The following WDR33 variants were observed in gnomAD, a reference collection of about 807,000 sequenced individuals.
WDR33 encodes the protein pre-mRNA 3' end processing protein WDR33.
WDR33 carries 47 observed loss-of-function variants against 164.9 expected under a neutral mutation model. The ratio of observed to expected loss-of-function variants is 0.29; its 90% CI spans 0.23 to 0.36. WDR33 has a LOEUF of 0.36. Ranked by LOEUF, WDR33 falls within the 10% of genes least tolerant of loss-of-function variation. The pLI, the probability that WDR33 is intolerant of heterozygous loss-of-function variation, is 1.00. For missense variants in WDR33, 1,137 were observed against 1,754.1 expected (o/e 0.65, Z 6.28); for synonymous variants, 505 against 589.0 (o/e 0.86, Z 2.06).
chr2:127,707,228 T>TA (rs1304395900), intron 21 of WDR33, among the ~76,000 whole-genome samples: 99 of 119,920 alleles, frequency 8.3e-4, no homozygotes, highest in Middle Eastern at 4.3e-3. Context: ...GAGAATATAT[T>TA]TAAAAAAAAA....
At chr2:127,786,394 A>G (rs1456101254) in intron 1 of WDR33, among the ~76,000 whole-genome samples, 6 of 152,258 alleles carry the variant, frequency 3.9e-5, no homozygotes, top group African/African-American at 9.6e-5. Flanking sequence ...TAGAAATACA[A>G]TATTTTGGCA....
At chr2:127,767,435 C>T (rs991725257) in intron 4 of WDR33, among the ~76,000 whole-genome samples, 3 of 151,972 alleles carry the variant, frequency 2.0e-5, no homozygotes, top group Non-Finnish European at 4.4e-5. Context: ...AGTTTAAGGC[C>T]GGGCACGGTG....
chr2:127,772,353 C>G (rs1292327729), intron 1 of WDR33, among the ~76,000 whole-genome samples: 3 of 151,872 alleles, frequency 2.0e-5, no homozygotes, highest in Non-Finnish European at 4.4e-5. Flanking sequence ...GCAGGAGAAT[C>G]GTTTGAACCC....
At chr2:127,731,313 A>AC (rs1558927936) in intron 7 of WDR33, among the ~76,000 whole-genome samples, 1 of 151,628 alleles carries the variant, frequency 6.6e-6, no homozygotes, top group African/African-American at 2.4e-5. Flanking sequence ...AAAAAAAAAA[A>AC]AAAAACACAG....
chr2:127,782,129 G>C (rs563559079), intron 1 of WDR33, among the ~76,000 whole-genome samples: 1 of 151,884 alleles, frequency 6.6e-6, no homozygotes, highest in Non-Finnish European at 1.5e-5. Flanking sequence ...ATTTTCAGCC[G>C]GGCGCAGTGG....
At chr2:127,780,331 T>A (rs995491856) in intron 1 of WDR33, among the ~76,000 whole-genome samples, 1 of 152,186 alleles carries the variant, frequency 6.6e-6, no homozygotes, top group African/African-American at 2.4e-5. Flanking sequence ...TTTAGATTAT[T>A]TATGTATAGT....
At chr2:127,788,205 C>CCCA (rs1197326641) in intron 1 of WDR33, among the ~76,000 whole-genome samples, 1 of 129,034 alleles carries the variant, frequency 7.7e-6, no homozygotes, top group Non-Finnish European at 1.7e-5. Flanking sequence ...GGCTGACCCC[C>CCCA]CCACCTCCCT....
intron 1 of WDR33, among the ~76,000 whole-genome samples, chr2:127,781,859 G>A (rs549033864): frequency 1.3e-5 from 2 of 152,078 alleles, no homozygotes; most frequent in South Asian, 2.1e-4. Flanking sequence ...TTAACCAGGC[G>A]TGGTGGCACA....
In WDR33 at chr2:127,764,186, A is replaced by G; in HGVS notation, c.626+642T>C. 2 of 1,035,340 alleles carry G rather than the reference A, an allele frequency of 1.9e-6. No homozygotes were observed. The highest frequency in any genetic ancestry group is 1.2e-6 in the Non-Finnish European group (1 of 863,030). The allele number at this position is 1,035,340 out of a possible 1,614,324, so 64.1% of individuals were successfully genotyped here. A position where few individuals can be genotyped will look rare whatever the true frequency, so the allele number is the denominator to read the frequency against. Reference sequence around the variant, plus strand: ...ACTCACTGAAAATATTTTAAACTCCACTTATTGTATACATTTGCATAAGTG... The same window carrying G: ...ACTCACTGAAAATATTTTAAACTCCGCTTATTGTATACATTTGCATAAGTG... On this transcript the variant is annotated intron_variant, in intron 6 of 21. Coordinates refer to ENST00000322313, the MANE Select transcript of WDR33 (RefSeq NM_018383.5). This position sits in a 1 kb window ranked among gnomAD's most constrained non-coding sequence, Gnocchi z 6.2.
At chr2:127,803,666 C>T (rs1689330932) in intron 1 of WDR33, among the ~76,000 whole-genome samples, 1 of 152,098 alleles carries the variant, frequency 6.6e-6, no homozygotes, top group African/African-American at 2.4e-5. Context: ...AATGCATACA[C>T]CACCAAGCAT....
intron 1 of WDR33, among the ~76,000 whole-genome samples, chr2:127,805,949 T>TAA (rs36092212): frequency 0.015 from 2,008 of 135,976 alleles, 56 homozygotes; most frequent in African/African-American, 0.052. Context: ...AACTTTTGTT[T>TAA]AAAAAAAAAA....
In WDR33 at chr2:127,719,845, C is replaced by T. The variant is rs1428770394; in HGVS notation, c.2180G>A (p.Gly727Asp). The T allele has an allele frequency of 6.2e-7, 1 of 1,613,560 alleles. No homozygotes were observed. The highest frequency in any genetic ancestry group is 8.5e-7 in the Non-Finnish European group (1 of 1,179,984). Reference sequence around the variant, plus strand: ...CGGAGGCCCCTGTGGGCCCAAGTGACCCTGAGGGCCAGGCGGGCCTTGGGG... The same window carrying T: ...CGGAGGCCCCTGTGGGCCCAAGTGATCCTGAGGGCCAGGCGGGCCTTGGGG... Reference protein sequence around the residue: ...IGPQGPPGPQGHLGPQGPPGT... With the variant: ...IGPQGPPGPQDHLGPQGPPGT... Residue 727 changes from glycine to aspartate, a missense_variant, in exon 16 of 22, where the codon GGT becomes GAT. Gly to Asp is a moderately conservative substitution (Grantham distance 94). Transcript: ENST00000322313. The surrounding 1 kb of genome is among the most constrained non-coding windows in gnomAD (Gnocchi z 6.5).
At chr2:127,725,741 TAATAATAATA>T (rs973148311) in intron 8 of WDR33, among the ~76,000 whole-genome samples, 1 of 48,626 alleles carries the variant, frequency 2.1e-5, no homozygotes, top group African/African-American at 9.2e-5. Context: ...CTCAAAATAA[TAATAATAATA>T]ATAATAATAA....
At chr2:127,711,776 A>ATTTTTTTTTTTTTTTTTTTTTTTT (rs1284723078) in intron 18 of WDR33, among the ~76,000 whole-genome samples, 1 of 94,090 alleles carries the variant, frequency 1.1e-5, no homozygotes, top group African/African-American at 5.8e-5. Context: ...ATATATATAT[A>ATTTTTTTTTTTTTTTTTTTTTTTT]TATATTTTTT....
At chr2:127,797,155 T>C (rs993091899) in intron 1 of WDR33, among the ~76,000 whole-genome samples, 1 of 151,908 alleles carries the variant, frequency 6.6e-6, no homozygotes, top group Non-Finnish European at 1.5e-5. Context: ...ATTTTATACC[T>C]TTTAGCTACA....
At chr2:127,745,310 C>T (rs1406159208) in intron 7 of WDR33, among the ~76,000 whole-genome samples, 1 of 152,172 alleles carries the variant, frequency 6.6e-6, no homozygotes, top group African/African-American at 2.4e-5. Flanking sequence ...ATATCTGCAG[C>T]AGCATTACTG....
In WDR33 at chr2:127,740,612, C is replaced by T. The variant is rs6735293; in HGVS notation, c.725-13835G>A. On this transcript the variant is annotated intron_variant, in intron 7 of 21. Coordinates refer to ENST00000322313, the MANE Select transcript of WDR33 (RefSeq NM_018383.5). ...TTAATTGATTACTCATCTCTAAATCCCCCAATGCCATGGATTACCTTAAGC... is the reference window on the plus strand; with the variant it reads ...TTAATTGATTACTCATCTCTAAATCTCCCAATGCCATGGATTACCTTAAGC... Among the ~76,000 whole-genome samples the T allele has an allele frequency of 6.2e-3, 948 of 152,266 alleles. 14 individuals are homozygous for T. The highest frequency in any genetic ancestry group is 0.022 in the African/African-American group (907 of 41,552).
chr2:127,793,911 G>C lies in WDR33; in HGVS notation c.-24+17101C>G, dbSNP rs147653159. ...GAACTTTGGGAGGCCAAGGCAGGAG[G>C]AAAGATTGAGCTCAGAAGTTCGAGA... On this transcript the variant is annotated intron_variant, in intron 1 of 21. Coordinates refer to ENST00000322313, the MANE Select transcript of WDR33 (RefSeq NM_018383.5). Among the ~76,000 whole-genome samples the C allele has an allele frequency of 2.2e-3, 330 of 152,234 alleles. 2 individuals carry two copies. Among genetic ancestry groups the C allele is most frequent in the Non-Finnish European group, 3.5e-3 (240 of 67,996 alleles).
rs1686482219 is a variant in WDR33, at chr2:127,723,118, A to C, written c.1292-74T>G. On this transcript the variant is annotated intron_variant, in intron 12 of 21. Transcript: ENST00000322313. The surrounding 1 kb of genome is among the most constrained non-coding windows in gnomAD (Gnocchi z 5.9). ...GACTGATAAAATTAATGCTTTATAA[A>C]AATGAATGTCACTGATGATTTATAA... 6.9e-7 allele frequency: 1 copy of C among 1,454,334 alleles called. No individual in the cohort carries two copies. Among genetic ancestry groups the C allele is most frequent in the Admixed American group, 2.2e-5 (1 of 46,488 alleles). The allele number at this position is 1,454,334 out of a possible 1,614,324, so 90.1% of individuals were successfully genotyped here. A position where few individuals can be genotyped will look rare whatever the true frequency, so the allele number is the denominator to read the frequency against.
Sources: gnomAD v4.1 joint callset for allele counts (sites outside exome capture counted in the v4.1 genomes callset) on GRCh38, gnomAD v4.1.1 for gene constraint, Gnocchi (gnomAD v3.1) non-coding constraint, MANE v1.5 for transcripts, NCBI Gene and HGNC (gene_info 2026-07-23, HGNC 2026-07-21) for gene names.